Variants in CTNNBL1 observed in about 807,000 individuals in gnomAD.
CTNNBL1 encodes the protein beta-catenin-like protein 1.
In CTNNBL1, 31 loss-of-function variants were observed where a neutral mutation model predicts 72.7. The ratio of observed to expected loss-of-function variants is 0.43; its 90% CI spans 0.32 to 0.58. The LOEUF (loss-of-function observed/expected upper bound fraction) is 0.58, where lower values mean the gene tolerates loss of function less well. Ranked by LOEUF, CTNNBL1 falls within the 20% of genes least tolerant of loss-of-function variation. CTNNBL1 has a pLI of 0.08. For missense variants in CTNNBL1, 534 were observed against 725.1 expected (o/e 0.74, Z 3.03); for synonymous variants, 240 against 267.3 (o/e 0.90, Z 1.00).
At chr20:37,852,735 T>C (rs1010153272) in intron 13 of CTNNBL1, among the ~76,000 whole-genome samples, 1 of 152,170 alleles carries the variant, frequency 6.6e-6, no homozygotes, top group African/African-American at 2.4e-5. Context: ...CCCACTGAGC[T>C]TCGCCTCGGC....
At chr20:37,793,473 G>A (rs928761383) in intron 10 of CTNNBL1, among the ~76,000 whole-genome samples, 1 of 152,108 alleles carries the variant, frequency 6.6e-6, no homozygotes, top group Non-Finnish European at 1.5e-5. Context: ...CTAACGCATG[G>A]TATCTTTTAC....
rs937761837 is a variant in CTNNBL1, at chr20:37,777,774, G to A, written c.882+62G>A. On this transcript the variant is annotated intron_variant, in intron 9 of 15. Transcript: ENST00000361383. ...ACATGGTCTGCTTTGAATGGGAGGT[G>A]GAGCTGGAAACTGTGGGAAGGAATA... 5.9e-6 allele frequency: 9 copies of A among 1,530,458 alleles called. No individual in the cohort carries two copies. In the African/African-American group the frequency reaches 9.6e-5, roughly 16 times the overall value. 94.8% of individuals were successfully genotyped at this position (1,530,458 alleles called of 1,614,324 possible).
intron 12 of CTNNBL1, 23 bp from the exon 13 acceptor site, chr20:37,842,316 A>G (rs773811566): frequency 2.1e-5 from 32 of 1,549,360 alleles, no homozygotes; most frequent in Non-Finnish European, 2.9e-5. Flanking sequence ...TTCTCACTCA[A>G]GCCTGTGAAA....
Position 37,743,660 on chromosome 20 carries a change from C to T in CTNNBL1, c.327-2808C>T, listed in dbSNP as rs6020613. Among the ~76,000 whole-genome samples the T allele has an allele frequency of 1.7e-3, 255 of 152,184 alleles. 3 individuals are homozygous for T. Among genetic ancestry groups the T allele is most frequent in the African/African-American group, 5.9e-3 (247 of 41,524 alleles). On this transcript the variant is annotated intron_variant, in intron 3 of 15. Transcript: ENST00000361383. ...CGAATCAATGAAATGGAGTGAAAAA[C>T]CCAGAAACAGAATAAAGTACACATT...
intron 10 of CTNNBL1, among the ~76,000 whole-genome samples, chr20:37,798,377 C>T (rs934535718): frequency 3.9e-5 from 6 of 152,194 alleles, no homozygotes; most frequent in Non-Finnish European, 8.8e-5. Flanking sequence ...TTTCCCACAA[C>T]CCCCCAGTTT....
At chr20:37,824,957 T>C (rs148266474) in intron 11 of CTNNBL1, among the ~76,000 whole-genome samples, 76 of 152,362 alleles carry the variant, frequency 5.0e-4, no homozygotes, top group African/African-American at 1.6e-3. Flanking sequence ...TGACCTGACA[T>C]TAATCACATG....
intron 1 of CTNNBL1, among the ~76,000 whole-genome samples, chr20:37,701,613 G>A (rs1020402290): frequency 1.3e-5 from 2 of 152,318 alleles, no homozygotes; most frequent in Admixed American, 1.3e-4. Context: ...TGGAATCCTA[G>A]CCTTGATGAA....
At position 37,698,772 on chromosome 20, in the gene CTNNBL1, G is replaced by A. The variant is rs184010060; in HGVS notation, c.30+4620G>A. The stretch of plus-strand genomic sequence containing the variant: ...ATGCAAAAGTTCTTTGAGGCCAAGC[G>A]TGGTTGTTCACCCCTGTAATCCCAG... On this transcript the variant is annotated intron_variant, in intron 1 of 15. Coordinates refer to ENST00000361383, the MANE Select transcript of CTNNBL1 (RefSeq NM_030877.5). 8.5e-5 allele frequency among the ~76,000 whole-genome samples: 13 copies of A among 152,314 alleles called. No individual in the cohort carries two copies. The South Asian group carries it at 1.7e-3, about 19-fold the overall frequency.
chr20:37,784,048 A>G (rs983794001), intron 10 of CTNNBL1, among the ~76,000 whole-genome samples: 1 of 152,134 alleles, frequency 6.6e-6, no homozygotes, highest in African/African-American at 2.4e-5. Context: ...GTGCATATAT[A>G]TTTATAATTG....
rs2072481050 is a variant in CTNNBL1, at chr20:37,860,321, A to G, written c.1580A>G (p.Lys527Arg). The part of the protein sequence containing the change: ...QILNMRGSSI[K>R]IVRHIIKEYA... ...CTAAACATGCGAGGAAGCTCCATCAAAATTGTCAGGCATATCATCAAGGGT... is the reference window on the plus strand; with the variant it reads ...CTAAACATGCGAGGAAGCTCCATCAGAATTGTCAGGCATATCATCAAGGGT... The change falls in exon 15 of 16, where the codon AAA becomes AGA. Residue 527 changes from lysine (K) to arginine (R), a missense_variant. Lys to Arg is a conservative substitution (Grantham distance 26, BLOSUM62 2). Coordinates refer to ENST00000361383, the MANE Select transcript of CTNNBL1 (RefSeq NM_030877.5). The G allele has an allele frequency of 1.2e-6, 2 of 1,614,076 alleles. No homozygotes were observed. Among genetic ancestry groups the G allele is most frequent in the Non-Finnish European group, 1.7e-6 (2 of 1,179,920 alleles).
chr20:37,696,017 AG>A (rs1385403087), intron 1 of CTNNBL1, among the ~76,000 whole-genome samples: 1 of 152,244 alleles, frequency 6.6e-6, no homozygotes, highest in Non-Finnish European at 1.5e-5. Flanking sequence ...GAAGGGAAAT[AG>A]GCAAGTTATT....
At chr20:37,821,257 C>T (rs564789676) in intron 11 of CTNNBL1, among the ~76,000 whole-genome samples, 63 of 152,340 alleles carry the variant, frequency 4.1e-4, no homozygotes, top group African/African-American at 1.4e-3. Flanking sequence ...CGACAGCATC[C>T]GTTTTGTACA....
intron 1 of CTNNBL1, among the ~76,000 whole-genome samples, chr20:37,722,124 CATT>C (rs1231215804): frequency 6.6e-6 from 1 of 152,098 alleles, no homozygotes; most frequent in Non-Finnish European, 1.5e-5. Context: ...ATGGGCTACT[CATT>C]ATTTTTTCTT....
intron 11 of CTNNBL1, among the ~76,000 whole-genome samples, chr20:37,836,450 G>A (rs1214375135): frequency 1.3e-5 from 2 of 152,068 alleles, no homozygotes; most frequent in African/African-American, 4.8e-5. Context: ...TGTTCCTTCT[G>A]CCTGGAATGT....
At chr20:37,801,682 A>G (rs1215888071) in intron 10 of CTNNBL1, among the ~76,000 whole-genome samples, 7 of 152,230 alleles carry the variant, frequency 4.6e-5, no homozygotes. Flanking sequence ...CAATAGTTCA[A>G]CTAGGAATAG....
chr20:37,715,958 T>A (rs2072982845), intron 1 of CTNNBL1, among the ~76,000 whole-genome samples: 1 of 152,136 alleles, frequency 6.6e-6, no homozygotes, highest in African/African-American at 2.4e-5. Context: ...AAAGTAAAGC[T>A]ATAGTAATAT....
chr20:37,869,316 T>A (rs940714963), intron 15 of CTNNBL1, among the ~76,000 whole-genome samples: 1 of 152,200 alleles, frequency 6.6e-6, no homozygotes, highest in Non-Finnish European at 1.5e-5. Flanking sequence ...GGTCACATGC[T>A]TTGTCTCCCC....
chr20:37,837,607 T>C (rs2072266456), intron 11 of CTNNBL1, among the ~76,000 whole-genome samples: 1 of 152,174 alleles, frequency 6.6e-6, no homozygotes, highest in Non-Finnish European at 1.5e-5. Flanking sequence ...TGAAAGCATA[T>C]TAGCAATGCA....
intron 13 of CTNNBL1, among the ~76,000 whole-genome samples, chr20:37,843,161 G>A (rs941117264): frequency 1.3e-5 from 2 of 152,080 alleles, no homozygotes; most frequent in African/African-American, 2.4e-5. Flanking sequence ...ATTTGTATTC[G>A]CTCCCCTACA....
Sources: gnomAD v4.1 joint callset for allele counts (sites outside exome capture counted in the v4.1 genomes callset) on GRCh38, gnomAD v4.1.1 for gene constraint, MANE v1.5 for transcripts, NCBI Gene and HGNC (gene_info 2026-07-23, HGNC 2026-07-21) for gene names.